GABRA3: variants seen among roughly 807,000 people sequenced by gnomAD.
GABRA3 encodes the protein gamma-aminobutyric acid type A receptor subunit alpha3, also known as gamma-aminobutyric acid receptor subunit alpha-3.
A neutral mutation model predicts 30.1 loss-of-function variants in GABRA3; 10 were observed. That is an observed-to-expected ratio of 0.33 (90% CI 0.20 to 0.56). The LOEUF (loss-of-function observed/expected upper bound fraction) is 0.56, where lower values mean the gene tolerates loss of function less well. Ranked by LOEUF, GABRA3 falls within the 20% of genes least tolerant of loss-of-function variation. The probability of loss-of-function intolerance (pLI) is 0.89; values close to 1 mark genes in which losing one functional copy is unlikely to be tolerated. For missense variants in GABRA3, 233 were observed against 392.0 expected, an observed-to-expected ratio of 0.59 and a Z score of 3.42; for synonymous variants, 151 against 146.8, an observed-to-expected ratio of 1.03 and a Z score of -0.21.
Position 152,417,331 on chromosome X carries a change from C to T in GABRA3, c.-27+33815G>A, listed in dbSNP as rs867122913. Among the ~76,000 whole-genome samples the T allele has an allele frequency of 3.8e-3, 393 of 104,269 alleles. 1 individual carries two copies. Among genetic ancestry groups the T allele is most frequent in the African/African-American group, 0.013 (367 of 27,536 alleles). 90.5% of individuals were successfully genotyped at this position (104,269 alleles called of 115,157 possible). ...AAATCAAAACCACAATGAGATACCA[C>T]CTCACACCAGTTAGAATGGTGATCA... On this transcript the variant is annotated intron_variant, in intron 1 of 9. Coordinates refer to ENST00000370314, the MANE Select transcript of GABRA3 (RefSeq NM_000808.4).
At chrX:152,278,679 T>C (rs1406729036) in intron 4 of GABRA3, among the ~76,000 whole-genome samples, 4 of 111,578 alleles carry the variant, frequency 3.6e-5, no homozygotes, top group African/African-American at 6.5e-5. Flanking sequence ...CCTGAGGAAT[T>C]GCCACACTGA....
At chrX:152,377,296 C>T (rs938974139) in intron 1 of GABRA3, among the ~76,000 whole-genome samples, 2 of 111,123 alleles carry the variant, frequency 1.8e-5, no homozygotes, top group Non-Finnish European at 3.8e-5. Context: ...CTTCTGCTTT[C>T]AATAATAATA....
chrX:152,218,128 G>A (rs757672931), intron 6 of GABRA3, among the ~76,000 whole-genome samples: 2 of 108,801 alleles, frequency 1.8e-5, no homozygotes, highest in Non-Finnish European at 1.9e-5. Context: ...ACTGCTTTAA[G>A]CTGATGCATC....
At chrX:152,270,174 A>G (rs1023975704) in intron 4 of GABRA3, among the ~76,000 whole-genome samples, 1 of 111,594 alleles carries the variant, frequency 9.0e-6, no homozygotes, top group Non-Finnish European at 1.9e-5. Context: ...CGTGGGAGGT[A>G]ATTGAATTAC....
intron 7 of GABRA3, among the ~76,000 whole-genome samples, chrX:152,200,426 G>C (rs1937467512): frequency 8.9e-6 from 1 of 111,927 alleles, no homozygotes; most frequent in African/African-American, 3.2e-5. Flanking sequence ...AATACAAGTA[G>C]GCTTATTTTT....
At chrX:152,385,048 A>C (rs1929261346) in intron 1 of GABRA3, among the ~76,000 whole-genome samples, 1 of 111,716 alleles carries the variant, frequency 9.0e-6, no homozygotes, top group South Asian at 3.7e-4. Flanking sequence ...AGAAATTAGA[A>C]ATTAGAAAAT....
At chrX:152,238,862 T>C (rs1197305413) in intron 5 of GABRA3, among the ~76,000 whole-genome samples, 10 of 110,547 alleles carry the variant, frequency 9.0e-5, no homozygotes, top group Non-Finnish European at 1.9e-4. Context: ...TTTTTTATTG[T>C]GTCTATTTGA....
chrX:152,232,088 A>G (rs185456478), intron 5 of GABRA3, among the ~76,000 whole-genome samples: 82 of 111,735 alleles, frequency 7.3e-4, no homozygotes, highest in African/African-American at 2.6e-3. Flanking sequence ...CAGTTGCACA[A>G]TTCTATAAAT....
At chrX:152,260,838 A>G (rs1013774004) in intron 4 of GABRA3, among the ~76,000 whole-genome samples, 2 of 111,906 alleles carry the variant, frequency 1.8e-5, no homozygotes, top group African/African-American at 6.5e-5. Context: ...CCTGATGAAC[A>G]TCTAGAAGTA....
chrX:152,423,024 T>C (rs1183891458), intron 1 of GABRA3, among the ~76,000 whole-genome samples: 1 of 112,215 alleles, frequency 8.9e-6, no homozygotes, highest in East Asian at 2.8e-4. Context: ...TAAAAACTTG[T>C]CAAGCTTAAG....
At chrX:152,371,931 C>T (rs748989943) in intron 1 of GABRA3, among the ~76,000 whole-genome samples, 12 of 111,371 alleles carry the variant, frequency 1.1e-4, no homozygotes, top group South Asian at 7.6e-4. Context: ...CATCCCTATC[C>T]GATCCATATC....
At chrX:152,289,453 T>C (rs1196147222) in intron 3 of GABRA3, among the ~76,000 whole-genome samples, 1 of 111,266 alleles carries the variant, frequency 9.0e-6, no homozygotes, top group African/African-American at 3.3e-5. Flanking sequence ...CCCGACTTAT[T>C]TTGATTATGT....
At chrX:152,264,476 A>ATACTT (rs1938786731) in intron 4 of GABRA3, among the ~76,000 whole-genome samples, 1 of 111,619 alleles carries the variant, frequency 9.0e-6, no homozygotes, top group African/African-American at 3.3e-5. Context: ...AACTTAAACC[A>ATACTT]AAAACCATAC....
intron 3 of GABRA3, among the ~76,000 whole-genome samples, chrX:152,297,573 G>T (rs1356748676): frequency 8.9e-6 from 1 of 111,999 alleles, no homozygotes; most frequent in Non-Finnish European, 1.9e-5. Context: ...AATGGGAAAA[G>T]CACTGCATCT....
chrX:152,236,307 C>T (rs1462168360), intron 5 of GABRA3, among the ~76,000 whole-genome samples: 10 of 105,402 alleles, frequency 9.5e-5, no homozygotes, highest in African/African-American at 3.1e-4. Flanking sequence ...ATCCATGTCC[C>T]TACAAAGGAC....
At chrX:152,321,692 C>T (rs749159158) in intron 3 of GABRA3, among the ~76,000 whole-genome samples, 25 of 111,546 alleles carry the variant, frequency 2.2e-4, no homozygotes, top group African/African-American at 8.1e-4. Context: ...ATGTAGCATC[C>T]CTCTCCACCA....
At chrX:152,365,300 T>C (rs1427287020) in intron 1 of GABRA3, among the ~76,000 whole-genome samples, 4 of 111,642 alleles carry the variant, frequency 3.6e-5, no homozygotes, top group African/African-American at 1.3e-4. Flanking sequence ...AAAGAGATAT[T>C]TGAAAGCAAA....
intron 1 of GABRA3, among the ~76,000 whole-genome samples, chrX:152,427,936 C>T (rs1160550471): frequency 8.9e-6 from 1 of 111,901 alleles, no homozygotes; most frequent in Non-Finnish European, 1.9e-5. Flanking sequence ...TCCTGGCTGG[C>T]GCTTCAGCAC....
In GABRA3 at chrX:152,236,044, G is replaced by C. The variant is rs1486847043; in HGVS notation, c.552-11199C>G. Among the ~76,000 whole-genome samples, 3 of 88,928 alleles carry C rather than the reference G, an allele frequency of 3.4e-5. No homozygotes were observed. The East Asian group carries it at 1.1e-3, about 31-fold the overall frequency. 77.2% of individuals were successfully genotyped at this position (88,928 alleles called of 115,157 possible). A position where few individuals can be genotyped will look rare whatever the true frequency, so the allele number is the denominator to read the frequency against. The stretch of plus-strand genomic sequence containing the variant: ...GTTTTAGGGTACATGTGCACATTGT[G>C]CAGGTTAGTTACATATGTATACATG... On this transcript the variant is annotated intron_variant, in intron 5 of 9. Coordinates refer to ENST00000370314, the MANE Select transcript of GABRA3 (RefSeq NM_000808.4).
Sources: allele counts gnomAD v4.1 joint callset (sites outside exome capture counted in the v4.1 genomes callset), GRCh38; gene constraint gnomAD v4.1.1; transcripts MANE v1.5; gene names NCBI Gene and HGNC (gene_info 2026-07-23, HGNC 2026-07-21).